Variants in CRX observed in about 807,000 individuals in gnomAD.
The protein encoded by CRX is cone-rod homeobox.
CRX carries 5 observed loss-of-function variants against 13.1 expected under a neutral mutation model. The observed-to-expected ratio is 0.38, with a 90% confidence interval of 0.20 to 0.80. The LOEUF is 0.80. Among genes scored for constraint, CRX ranks in the 30% least tolerant of loss-of-function variants. The pLI, the probability that CRX is intolerant of heterozygous loss-of-function variation, is 0.43. For synonymous variants in CRX, 179 were observed against 171.1 expected (o/e 1.05, Z -0.36); for missense variants, 351 against 391.8 (o/e 0.90, Z 0.88).
chr19:47,822,857 G>A (rs1017544321), intron 1 of CRX, among the ~76,000 whole-genome samples: 6 of 152,172 alleles, frequency 3.9e-5, no homozygotes, highest in African/African-American at 9.6e-5. Context: ...GCAGTGCCAC[G>A]ATCTCCACTC....
intron 1 of CRX, among the ~76,000 whole-genome samples, chr19:47,825,364 G>A (rs182379273): frequency 6.6e-6 from 1 of 152,102 alleles, no homozygotes; most frequent in Non-Finnish European, 1.5e-5. Context: ...GGGCTCAAGC[G>A]ATCTTCCCAC....
rs1448900404 is a variant in CRX, at chr19:47,842,735, C to A, written c.*2768C>A. 1 of 152,150 alleles carries A rather than the reference C, an allele frequency of 6.6e-6. No homozygotes were observed. The highest frequency in any genetic ancestry group is 2.4e-5 in the African/African-American group (1 of 41,388). The allele number at this position is 152,150 out of a possible 1,614,324, so 9.4% of individuals were successfully genotyped here. On this transcript the variant is annotated 3_prime_UTR_variant, in exon 4 of 4. Coordinates refer to ENST00000221996, the MANE Select transcript of CRX (RefSeq NM_000554.6). ...GGGGCAGGGATGAGACAATATTGTG[C>A]CCTGGGTCTGTGCAAACGTTGGGAC... is the stretch of plus-strand genomic sequence containing the variant.
chr19:47,837,722 G>A (rs1968135444), intron 3 of CRX, among the ~76,000 whole-genome samples: 1 of 152,064 alleles, frequency 6.6e-6, no homozygotes, highest in South Asian at 2.1e-4. Flanking sequence ...TGATGTATGT[G>A]TGTATGACCT....
intron 1 of CRX, among the ~76,000 whole-genome samples, chr19:47,824,262 T>C (rs3859428): frequency 0.66 from 100,083 of 151,980 alleles, 33,259 homozygotes; most frequent in East Asian, 0.83. Context: ...CGAAACCTCT[T>C]TCAGCCTCAG....
chr19:47,838,777 G>A (rs1968151677), intron 3 of CRX, among the ~76,000 whole-genome samples: 1 of 151,812 alleles, frequency 6.6e-6, no homozygotes. Flanking sequence ...ATATAGATGG[G>A]TAAATGCAGG....
rs1599997390 is a variant in CRX at position 47,842,584 on chromosome 19, A to G, written c.*2617A>G. 1.3e-5 allele frequency: 2 copies of G among 152,332 alleles called. No individual in the cohort carries two copies. Among genetic ancestry groups the G allele is most frequent in the Admixed American group, 1.3e-4 (2 of 15,286 alleles). 9.4% of individuals were successfully genotyped at this position (152,332 alleles called of 1,614,324 possible). A position where few individuals can be genotyped will look rare whatever the true frequency, so the allele number is the denominator to read the frequency against. On this transcript the variant is annotated 3_prime_UTR_variant, in exon 4 of 4. Coordinates refer to ENST00000221996, the MANE Select transcript of CRX (RefSeq NM_000554.6). ...GTCACAAGAGCGAAACTCCGTCTCA[A>G]TAATAACAACAACAAAAATAACCCA... is the stretch of plus-strand genomic sequence containing the variant.
chr19:47,831,743 T>A (rs1053002336), intron 1 of CRX, among the ~76,000 whole-genome samples: 5 of 152,212 alleles, frequency 3.3e-5, no homozygotes, highest in African/African-American at 7.2e-5. Flanking sequence ...GAACTTTTTT[T>A]AATTTTTATT....
At chr19:47,827,361 T>A (rs1309061985) in intron 1 of CRX, among the ~76,000 whole-genome samples, 1 of 151,876 alleles carries the variant, frequency 6.6e-6, no homozygotes, top group Non-Finnish European at 1.5e-5. Context: ...AGGGTGACGG[T>A]GTGAGATTCC....
chr19:47,842,138 C>T lies in CRX; in HGVS notation c.*2171C>T, dbSNP rs77875912. 18,818 of 152,600 alleles carry T rather than the reference C, an allele frequency of 0.12. 1,535 individuals are homozygous for T. The highest frequency in any genetic ancestry group is 0.19 in the Middle Eastern group (55 of 294). The allele number at this position is 152,600 out of a possible 1,614,324, so 9.5% of individuals were successfully genotyped here. On this transcript the variant is annotated 3_prime_UTR_variant, in exon 4 of 4. Coordinates refer to ENST00000221996, the MANE Select transcript of CRX (RefSeq NM_000554.6). The stretch of plus-strand genomic sequence containing the variant: ...AGAGAGGCCGGGAGGTATCAGATGA[C>T]GTTTCCAGCACTAGACCAGAAGAGG...
chr19:47,832,190 C>T (rs1234605421), intron 1 of CRX, among the ~76,000 whole-genome samples: 3 of 130,974 alleles, frequency 2.3e-5, no homozygotes, highest in East Asian at 2.1e-4. Context: ...ATTGCAACTT[C>T]TGCCTCCCGG....
intron 2 of CRX, among the ~76,000 whole-genome samples, chr19:47,835,258 A>G (rs1037887123): frequency 1.1e-4 from 16 of 150,858 alleles, no homozygotes; most frequent in African/African-American, 3.7e-4. Context: ...GGGTCTCCCT[A>G]TGTTGCCCAG....
chr19:47,838,919 C>T (rs942450153), intron 3 of CRX, among the ~76,000 whole-genome samples: 1 of 149,478 alleles, frequency 6.7e-6, no homozygotes, highest in Non-Finnish European at 1.5e-5. Context: ...GATATATGTG[C>T]GTATGGTGTA....
chr19:47,839,423 G>A lies in CRX; in HGVS notation c.356G>A (p.Arg119Lys), dbSNP rs763430802. ...CAGGCCAAGGCCCGGCCTGCCAAGAGGAAGGCGGGCACGTCCCCAAGACCC... is the reference window on the plus strand; with the variant it reads ...CAGGCCAAGGCCCGGCCTGCCAAGAAGAAGGCGGGCACGTCCCCAAGACCC... The part of the protein sequence containing the change: ...GGQAKARPAK[R>K]KAGTSPRPST... Residue 119 changes from arginine to lysine, a missense_variant, in exon 4 of 4, where the codon AGG (arginine) becomes AAG (lysine). Physicochemically the swap from Arg to Lys is conservative, Grantham distance 26. Transcript: ENST00000221996. The surrounding 1 kb of genome is among the most constrained non-coding windows in gnomAD (Gnocchi z 4.6). 1.5e-5 allele frequency: 25 copies of A among 1,613,740 alleles called. No homozygotes were observed. The South Asian group carries it at 2.6e-4, about 17-fold the overall frequency.
At chr19:47,826,019 G>A (rs1013233731) in intron 1 of CRX, among the ~76,000 whole-genome samples, 1 of 152,184 alleles carries the variant, frequency 6.6e-6, no homozygotes, top group African/African-American at 2.4e-5. Flanking sequence ...CAGGCAATCT[G>A]ACTCAGATTT....
At chr19:47,827,312 C>T (rs7246044) in intron 1 of CRX, among the ~76,000 whole-genome samples, 15 of 152,142 alleles carry the variant, frequency 9.9e-5, no homozygotes, top group African/African-American at 3.6e-4. Context: ...TGCCTTGTTT[C>T]TTCTCCAACA....
At chr19:47,838,728 A>G (rs1968150638) in intron 3 of CRX, among the ~76,000 whole-genome samples, 1 of 151,418 alleles carries the variant, frequency 6.6e-6, no homozygotes, top group South Asian at 2.1e-4. Flanking sequence ...TGTTTGTATT[A>G]GATGGGTGGA....
intron 1 of CRX, among the ~76,000 whole-genome samples, chr19:47,828,614 CGT>C (rs377325892): frequency 1.3e-5 from 2 of 150,072 alleles, no homozygotes; most frequent in Non-Finnish European, 3.0e-5. Context: ...AGGTAGGGAG[CGT>C]GTGTGTGTGT....
At chr19:47,830,744 C>T (rs1201211199) in intron 1 of CRX, among the ~76,000 whole-genome samples, 1 of 149,590 alleles carries the variant, frequency 6.7e-6, no homozygotes, top group Admixed American at 6.7e-5. Context: ...TGCAGCAAGC[C>T]GAGATTGTGC....
At chr19:47,834,670 G>T in intron 2 of CRX, 127 bp downstream of exon 2, 1 of 709,880 alleles carries the variant, frequency 1.4e-6, no homozygotes, top group Non-Finnish European at 2.5e-6. Context: ...CAGCCCTCTG[G>T]GTTCATCTGA....
Sources: allele counts gnomAD v4.1 joint callset (sites outside exome capture counted in the v4.1 genomes callset), GRCh38; gene constraint gnomAD v4.1.1; non-coding constraint Gnocchi (gnomAD v3.1); transcripts MANE v1.5; gene names NCBI Gene and HGNC (gene_info 2026-07-23, HGNC 2026-07-21).